Variants in PEX2 observed in about 807,000 individuals in gnomAD.
The protein encoded by PEX2 is peroxisome biogenesis factor 2.
PEX2 carries 19 observed loss-of-function variants against 25.2 expected under a neutral mutation model. The ratio of observed to expected loss-of-function variants is 0.75; its 90% CI spans 0.53 to 1.10. The LOEUF is 1.10. Among genes scored for constraint, PEX2 ranks in the 50% least tolerant of loss-of-function variants. The pLI is 0.00. For synonymous variants in PEX2, 141 were observed against 127.7 expected, an observed-to-expected ratio of 1.10 and a Z score of -0.70; for missense variants, 347 against 350.6, an observed-to-expected ratio of 0.99 and a Z score of 0.08.
In PEX2 at chr8:76,983,655, G is replaced by A; in HGVS notation, c.524C>T (p.Ser175Phe). The A allele has an allele frequency of 6.2e-7, 1 of 1,614,062 alleles. No individual in the cohort carries two copies. The highest frequency in any genetic ancestry group is 8.5e-7 in the Non-Finnish European group (1 of 1,179,978). ...TATGTTTTGAGGCTTGCAAAATACAGAATGAATACCTAGGAGACGTTCTGT... is the reference window on the plus strand; with the variant it reads ...TATGTTTTGAGGCTTGCAAAATACAAAATGAATACCTAGGAGACGTTCTGT... ...TLTERLLGIH[S>F]VFCKPQNICE... Residue 175 changes from serine (S) to phenylalanine (F), a missense_variant, in exon 4 of 4, where the codon TCT becomes TTT. Transcript: ENST00000357039.
chr8:76,988,925 G>T (rs924329371), intron 1 of PEX2, among the ~76,000 whole-genome samples: 8 of 151,274 alleles, frequency 5.3e-5, no homozygotes, highest in Non-Finnish European at 1.2e-4. Context: ...GGGTGCAGTG[G>T]CTCATGCCTA....
upstream of PEX2, chr8:77,000,317 AGGAG>A (rs1807470493): frequency 3.4e-6 from 1 of 290,546 alleles, no homozygotes; most frequent in African/African-American, 2.3e-5. Context: ...TCTGATTGGC[AGGAG>A]AGTCACGAAC....
intron 3 of PEX2, among the ~76,000 whole-genome samples, chr8:76,985,721 T>C (rs1292098465): frequency 6.6e-6 from 1 of 152,024 alleles, no homozygotes; most frequent in Non-Finnish European, 1.5e-5. Flanking sequence ...GAAAGAATAG[T>C]TACTGAGGGA....
At chr8:76,984,246 C>T (rs1806939718) in intron 3 of PEX2, 51 bp from the exon 4 acceptor site, 1 of 1,414,288 alleles carries the variant, frequency 7.1e-7, no homozygotes, top group Non-Finnish European at 1.0e-6. Context: ...CAATCTTGTA[C>T]AACCTCCTCA....
chr8:76,993,234 C>T (rs1807225413), intron 1 of PEX2, among the ~76,000 whole-genome samples: 1 of 152,078 alleles, frequency 6.6e-6, no homozygotes, highest in Admixed American at 6.6e-5. Context: ...AGAGAAGAGA[C>T]ATAATGGGAT....
rs1427212561 is a variant in PEX2, at chr8:76,984,063, T to C, written c.116A>G (p.Gln39Arg). 3 of 1,612,202 alleles carry C rather than the reference T, an allele frequency of 1.9e-6. No homozygotes were observed. Among genetic ancestry groups the C allele is most frequent in the Non-Finnish European group, 2.5e-6 (3 of 1,179,068 alleles). ...CCCAGGTTTAAATCCATGAAAGCAC[T>C]GAGTAAACTGGGACCAAACTAGCTG... ...LEQLVWSQFT[Q>R]CFHGFKPGLL... is the part of the protein sequence containing the mutation. The change falls in exon 4 of 4, where the codon CAG (glutamine) becomes CGG (arginine). Residue 39 changes from glutamine (Q) to arginine (R), a missense_variant. Gln to Arg is a conservative substitution (Grantham distance 43). Transcript: ENST00000357039.
chr8:76,993,177 T>C lies in PEX2; in HGVS notation c.-159-4839A>G, dbSNP rs776107502. Among the ~76,000 whole-genome samples, 8 of 152,178 alleles carry C rather than the reference T, an allele frequency of 5.3e-5. 1 individual carries two copies. Among genetic ancestry groups the C allele is most frequent in the Non-Finnish European group, 1.2e-4 (8 of 68,022 alleles). Reference sequence around the variant, plus strand: ...ACCTAGCCACATTGTAAAAAGAACCTGTGTTAAGGAAATTGTATTGATTCT... The same window carrying C: ...ACCTAGCCACATTGTAAAAAGAACCCGTGTTAAGGAAATTGTATTGATTCT... On this transcript the variant is annotated intron_variant, in intron 1 of 3. Coordinates refer to ENST00000357039, the MANE Select transcript of PEX2 (RefSeq NM_000318.3).
At chr8:76,984,289 C>G in intron 3 of PEX2, 94 bp from the exon 4 acceptor site, 1 of 970,254 alleles carries the variant, frequency 1.0e-6, no homozygotes, top group Non-Finnish European at 1.6e-6. Flanking sequence ...ACACAAATTA[C>G]ACAGGACACA....
At position 76,983,735 on chromosome 8, in the gene PEX2, T is replaced by G; in HGVS notation, c.444A>C (p.Leu148Phe). ...AAATCAAAAAATTAATCAGCCCACC[T>G]AATTTCAAAAGTCCAATCACAAAAT... is the stretch of plus-strand genomic sequence containing the variant. ...CVNFVIGLLKLGGLINFLIFL... is the reference protein window; with the variant it reads ...CVNFVIGLLKFGGLINFLIFL... Residue 148 changes from leucine to phenylalanine, a missense_variant, in exon 4 of 4, where the codon TTA becomes TTC. By Grantham distance (22) the Leu-to-Phe change is conservative. Transcript: ENST00000357039. 3.7e-6 allele frequency: 6 copies of G among 1,614,042 alleles called. No homozygotes were observed. Among genetic ancestry groups the G allele is most frequent in the Non-Finnish European group, 5.1e-6 (6 of 1,179,990 alleles).
At chr8:76,994,430 T>C (rs1807263001) in intron 1 of PEX2, among the ~76,000 whole-genome samples, 1 of 152,168 alleles carries the variant, frequency 6.6e-6, no homozygotes, top group African/African-American at 2.4e-5. Context: ...GGCCTGTCAA[T>C]ATTAACGTAA....
At chr8:76,985,243 T>C (rs1044828213) in intron 3 of PEX2, among the ~76,000 whole-genome samples, 4 of 151,472 alleles carry the variant, frequency 2.6e-5, no homozygotes, top group African/African-American at 4.9e-5. Context: ...CTCATTTATA[T>C]GTGGATTCTA....
rs1806877735 is a variant in PEX2 at position 76,982,820 on chromosome 8, A to T, written c.*441T>A. On this transcript the variant is annotated 3_prime_UTR_variant, in exon 4 of 4. Coordinates refer to ENST00000357039, the MANE Select transcript of PEX2 (RefSeq NM_000318.3). ...CAGGACACCGTCTCAGAAAAAAAAA[A>T]AAAAGTTACAACTGAGGCATCAGGT... 5.5e-6 allele frequency: 1 copy of T among 180,822 alleles called. No individual in the cohort carries two copies. Among genetic ancestry groups the T allele is most frequent in the Non-Finnish European group, 1.1e-5 (1 of 86,968 alleles). The allele number at this position is 180,822 out of a possible 1,614,324, so 11.2% of individuals were successfully genotyped here. A position where few individuals can be genotyped will look rare whatever the true frequency, so the allele number is the denominator to read the frequency against.
intron 1 of PEX2, chr8:76,999,710 CTTAAG>C (rs1807438783): frequency 2.6e-6 from 1 of 384,326 alleles, no homozygotes; most frequent in Non-Finnish European, 5.1e-6. Context: ...AAGTTCGTCT[CTTAAG>C]TTACTACGTG....
chr8:76,983,503 G>C lies in PEX2; in HGVS notation c.676C>G (p.Pro226Ala). Reference protein sequence around the residue: ...LKAKLSSWCIPLTGAPNSDNT... With the variant: ...LKAKLSSWCIALTGAPNSDNT... ...TCACTATTAGGTGCACCAGTAAGAG[G>C]AATACACCATGAAGACAGCTTGGCT... The change falls in exon 4 of 4, where the codon CCT becomes GCT. Residue 226 changes from proline to alanine, a missense_variant. By Grantham distance (27) the Pro-to-Ala change is conservative. Coordinates refer to ENST00000357039, the MANE Select transcript of PEX2 (RefSeq NM_000318.3). The C allele has an allele frequency of 1.2e-6, 2 of 1,613,998 alleles. No homozygotes were observed. The highest frequency in any genetic ancestry group is 1.7e-6 in the Non-Finnish European group (2 of 1,179,942).
rs766030824 is a variant in PEX2 at position 77,000,002 on chromosome 8, C to A, written c.-172G>T. The A allele has an allele frequency of 1.5e-5, 7 of 455,068 alleles. No homozygotes were observed. Among genetic ancestry groups the A allele is most frequent in the South Asian group, 1.1e-4 (7 of 64,304 alleles). 28.2% of individuals were successfully genotyped at this position (455,068 alleles called of 1,614,324 possible). A position where few individuals can be genotyped will look rare whatever the true frequency, so the allele number is the denominator to read the frequency against. On this transcript the variant is annotated 5_prime_UTR_variant, in exon 1 of 4. Transcript: ENST00000357039. Reference sequence around the variant, plus strand: ...GGCAGACACTGACCTTAGGAGTCTGCGAAACGCCCACGCTCCACGTAACTT... The same window carrying A: ...GGCAGACACTGACCTTAGGAGTCTGAGAAACGCCCACGCTCCACGTAACTT...
Position 76,984,130 on chromosome 8 carries a change from T to G in PEX2, c.49A>C (p.Ile17Leu). ...AGTTCAAGTGCATCCAACTGGCTTATTCTTAGCACTCTGTTTGCACTCTTC... is the reference window on the plus strand; with the variant it reads ...AGTTCAAGTGCATCCAACTGGCTTAGTCTTAGCACTCTGTTTGCACTCTTC... ...NAKSANRVLR[I>L]SQLDALELNK... Residue 17 changes from isoleucine to leucine, a missense_variant, in exon 4 of 4, where the codon ATA becomes CTA. By Grantham distance (5) the Ile-to-Leu change is conservative (BLOSUM62 2). Transcript: ENST00000357039. 6.2e-7 allele frequency: 1 copy of G among 1,614,098 alleles called. No homozygotes were observed. The highest frequency in any genetic ancestry group is 8.5e-7 in the Non-Finnish European group (1 of 1,179,978).
chr8:77,000,618 C>CG (rs1194120265), upstream of PEX2, among the ~76,000 whole-genome samples: 8 of 152,268 alleles, frequency 5.3e-5, no homozygotes, highest in Admixed American at 4.6e-4. Context: ...TGCCCGCCCT[C>CG]GGGGCCTGTG....
chr8:76,998,910 C>G (rs536896352), intron 1 of PEX2, among the ~76,000 whole-genome samples: 1 of 151,968 alleles, frequency 6.6e-6, no homozygotes, highest in Admixed American at 6.6e-5. Flanking sequence ...TAGTCTAATA[C>G]TCTTCAGTCT....
At chr8:76,987,637 G>A (rs888300212) in intron 2 of PEX2, among the ~76,000 whole-genome samples, 10 of 152,274 alleles carry the variant, frequency 6.6e-5, no homozygotes, top group African/African-American at 1.4e-4. Flanking sequence ...GCATAGAGAC[G>A]AGTTAACAGG....
Sources: gnomAD v4.1 joint callset for allele counts (sites outside exome capture counted in the v4.1 genomes callset) on GRCh38, gnomAD v4.1.1 for gene constraint, MANE v1.5 for transcripts, NCBI Gene and HGNC (gene_info 2026-07-23, HGNC 2026-07-21) for gene names.